Variants in GRAMD1B observed in about 807,000 individuals in gnomAD.
GRAMD1B encodes protein Aster-B.
A neutral mutation model predicts 99.7 loss-of-function variants in GRAMD1B; 37 were observed. That is an observed-to-expected ratio of 0.37 (90% CI 0.29 to 0.49). The LOEUF is 0.49. Among genes scored for constraint, GRAMD1B ranks in the 20% least tolerant of loss-of-function variants. The pLI, the probability that GRAMD1B is intolerant of heterozygous loss-of-function variation, is 0.98. For synonymous variants in GRAMD1B, 427 were observed against 387.6 expected (o/e 1.10, Z -1.19); for missense variants, 888 against 1,009.2 (o/e 0.88, Z 1.63).
chr11:123,464,847 A>G (rs1488222985), intron 1 of GRAMD1B, among the ~76,000 whole-genome samples: 1 of 152,136 alleles, frequency 6.6e-6, no homozygotes, highest in South Asian at 2.1e-4. Context: ...TGCTGGAACT[A>G]TTTCTGTGTT....
At chr11:123,400,306 G>A (rs564234848) in intron 1 of GRAMD1B, among the ~76,000 whole-genome samples, 4 of 152,072 alleles carry the variant, frequency 2.6e-5, no homozygotes, top group South Asian at 2.1e-4. Context: ...ATGGAACCTC[G>A]CCTCTACTAG....
intron 1 of GRAMD1B, among the ~76,000 whole-genome samples, chr11:123,376,465 G>A (rs1946693837): frequency 2.0e-5 from 3 of 152,128 alleles, no homozygotes; most frequent in Non-Finnish European, 4.4e-5. Context: ...TATTTTAATG[G>A]AGATGGGGTC....
At chr11:123,571,432 C>G (rs1196310893) in intron 2 of GRAMD1B, among the ~76,000 whole-genome samples, 1 of 152,148 alleles carries the variant, frequency 6.6e-6, no homozygotes, top group African/African-American at 2.4e-5. Context: ...TTTCTACTTC[C>G]CTTTTCTCAA....
rs1362832679 is a variant in GRAMD1B, at chr11:123,606,745, A to C, written c.1460A>C (p.Asp487Ala). Residue 487 changes from aspartate (D) to alanine (A), a missense_variant, in exon 11 of 20, where the codon GAC (aspartate) becomes GCC (alanine). By Grantham distance (126) the Asp-to-Ala change is moderately radical (BLOSUM62 -2). Coordinates refer to ENST00000635736, the MANE Select transcript of GRAMD1B (RefSeq NM_001387025.1). ...AACTCCCCTTCACTGGACTTCAATG[A>C]CAATGAGGACATCCCCACTGAGCTC... is the stretch of plus-strand genomic sequence containing the variant. ...PVNSPSLDFNDNEDIPTELSD... is the reference protein window; with the variant it reads ...PVNSPSLDFNANEDIPTELSD... The C allele has an allele frequency of 1.2e-6, 2 of 1,613,790 alleles. No individual in the cohort carries two copies. Among genetic ancestry groups the C allele is most frequent in the South Asian group, 2.2e-5 (2 of 91,006 alleles).
chr11:123,482,377 C>T (rs953211199), intron 2 of GRAMD1B, among the ~76,000 whole-genome samples: 11 of 152,080 alleles, frequency 7.2e-5, no homozygotes, highest in East Asian at 3.9e-4. Flanking sequence ...GGATTACAAG[C>T]GTGAGCCACC....
intron 8 of GRAMD1B, among the ~76,000 whole-genome samples, chr11:123,600,810 C>A (rs948850944): frequency 3.3e-5 from 5 of 152,028 alleles, no homozygotes; most frequent in African/African-American, 1.2e-4. Flanking sequence ...TGCATGCAGC[C>A]CTGAAGAAAG....
intron 2 of GRAMD1B, among the ~76,000 whole-genome samples, chr11:123,547,645 G>A (rs1287675847): frequency 1.3e-5 from 2 of 152,114 alleles, no homozygotes; most frequent in Non-Finnish European, 2.9e-5. Flanking sequence ...TCAAAATCCT[G>A]TTTACCTTAA....
At chr11:123,546,120 T>C (rs1227246697) in intron 2 of GRAMD1B, among the ~76,000 whole-genome samples, 1 of 152,240 alleles carries the variant, frequency 6.6e-6, no homozygotes, top group Non-Finnish European at 1.5e-5. Context: ...AGGCCAGGAA[T>C]AGCTAGACAT....
intron 1 of GRAMD1B, chr11:123,454,425 G>A (rs1950022142): frequency 6.6e-6 from 1 of 152,214 alleles, no homozygotes; most frequent in Non-Finnish European, 1.5e-5. Context: ...ATTTGGGGTT[G>A]GCAGACCTGG....
intron 4 of GRAMD1B, among the ~76,000 whole-genome samples, chr11:123,593,229 CTAAA>C (rs1031653508): frequency 3.4e-5 from 5 of 145,044 alleles, no homozygotes; most frequent in African/African-American, 7.8e-5. Context: ...GAGACTCTGT[CTAAA>C]CAAACAAACA....
At chr11:123,447,088 T>C (rs563355293) in intron 1 of GRAMD1B, among the ~76,000 whole-genome samples, 7 of 152,126 alleles carry the variant, frequency 4.6e-5, no homozygotes, top group African/African-American at 1.7e-4. Flanking sequence ...CAGTGGCATA[T>C]GGCATTCAGA....
intron 2 of GRAMD1B, among the ~76,000 whole-genome samples, chr11:123,575,879 A>G (rs1052050421): frequency 2.6e-5 from 4 of 152,266 alleles, no homozygotes; most frequent in African/African-American, 2.4e-5. Flanking sequence ...TATTGTTAGT[A>G]TTAGAAATGA....
intron 1 of GRAMD1B, among the ~76,000 whole-genome samples, chr11:123,436,745 A>G (rs1949177424): frequency 6.6e-6 from 1 of 152,200 alleles, no homozygotes; most frequent in East Asian, 1.9e-4. Context: ...CATTGAACAT[A>G]AGACGGCACA....
At chr11:123,515,977 C>T (rs1408531691) in intron 2 of GRAMD1B, among the ~76,000 whole-genome samples, 1 of 152,134 alleles carries the variant, frequency 6.6e-6, no homozygotes, top group Non-Finnish European at 1.5e-5. Flanking sequence ...CCATGTTGCC[C>T]AGTCTAGTCT....
rs1187604520 is a variant in GRAMD1B, at chr11:123,430,833, C to G, written c.41C>G (p.Ala14Gly). Residue 14 changes from alanine to glycine, a missense_variant, in exon 1 of 20, where the codon GCC becomes GGC. Ala to Gly is a moderately conservative substitution (Grantham distance 60). Coordinates refer to ENST00000635736, the MANE Select transcript of GRAMD1B (RefSeq NM_001387025.1). ...ANMMENRPLP[A>G]LQVPEPQGAP... ...ATGATGGAGAACCGGCCGCTGCCCGCCCTGCAGGTGCCCGAGCCGCAGGGT... is the reference window on the plus strand; with the variant it reads ...ATGATGGAGAACCGGCCGCTGCCCGGCCTGCAGGTGCCCGAGCCGCAGGGT... The G allele has an allele frequency of 2.9e-6, 2 of 698,534 alleles. No individual in the cohort carries two copies. The highest frequency in any genetic ancestry group is 3.0e-5 in the South Asian group (2 of 67,384). The allele number at this position is 698,534 out of a possible 1,614,324, so 43.3% of individuals were successfully genotyped here.
chr11:123,517,759 A>G (rs953025303), intron 2 of GRAMD1B, among the ~76,000 whole-genome samples: 2 of 152,342 alleles, frequency 1.3e-5, no homozygotes, highest in Middle Eastern at 6.8e-3. Flanking sequence ...CCTTGGGCAG[A>G]CGACTTTCAC....
intron 2 of GRAMD1B, among the ~76,000 whole-genome samples, chr11:123,507,938 T>A (rs930837510): frequency 1.1e-4 from 16 of 152,282 alleles, no homozygotes; most frequent in African/African-American, 3.8e-4. Context: ...TTAGTGAATA[T>A]GGGGTTGAGT....
At chr11:123,614,234 A>G (rs1473250103) in intron 16 of GRAMD1B, among the ~76,000 whole-genome samples, 1 of 152,228 alleles carries the variant, frequency 6.6e-6, no homozygotes, top group Non-Finnish European at 1.5e-5. Flanking sequence ...GCAGAAGAAG[A>G]GGGGAGAGTG....
In GRAMD1B at chr11:123,609,154, C is replaced by T. The variant is rs536238432; in HGVS notation, c.1657+352C>T. Among the ~76,000 whole-genome samples the T allele has an allele frequency of 1.7e-3, 260 of 152,292 alleles. 2 individuals carry two copies. Among genetic ancestry groups the T allele is most frequent in the African/African-American group, 5.8e-3 (240 of 41,556 alleles). On this transcript the variant is annotated intron_variant, in intron 12 of 19. Coordinates refer to ENST00000635736, the MANE Select transcript of GRAMD1B (RefSeq NM_001387025.1). ...CACCCACTCTATGCCATGCACGTGA[C>T]GTTATCTCATTCAGACCTCACAGCT...
Sources: gnomAD v4.1 joint callset for allele counts (sites outside exome capture counted in the v4.1 genomes callset) on GRCh38, gnomAD v4.1.1 for gene constraint, MANE v1.5 for transcripts, NCBI Gene and HGNC (gene_info 2026-07-23, HGNC 2026-07-21) for gene names.